Variants in SCN11A observed in about 807,000 individuals in gnomAD.
SCN11A encodes sodium voltage-gated channel alpha subunit 11, also known as sodium channel protein type 11 subunit alpha.
SCN11A carries 122 observed loss-of-function variants against 162.2 expected under a neutral mutation model. The observed-to-expected ratio is 0.75, with a 90% CI of 0.65 to 0.87. SCN11A has a LOEUF of 0.87. SCN11A is among the 40% of genes least tolerant of loss of function. The probability of loss-of-function intolerance (pLI) is 0.00; values close to 1 mark genes in which losing one functional copy is unlikely to be tolerated. For synonymous variants in SCN11A, 758 were observed against 751.5 expected, an observed-to-expected ratio of 1.01 and a Z score of -0.14; for missense variants, 2,015 against 2,181.6, an observed-to-expected ratio of 0.92 and a Z score of 1.52.
chr3:38,940,061 T>G (rs903074230), intron 7 of SCN11A, among the ~76,000 whole-genome samples: 1 of 148,580 alleles, frequency 6.7e-6, no homozygotes, highest in African/African-American at 2.4e-5. Flanking sequence ...TACATACATA[T>G]ATATATATAT....
chr3:39,002,704 TG>T (rs1452120647), intron 2 of SCN11A, among the ~76,000 whole-genome samples: 1 of 152,246 alleles, frequency 6.6e-6, no homozygotes, highest in African/African-American at 2.4e-5. Flanking sequence ...TGACTTGCTT[TG>T]GCCAGTGGAA....
In SCN11A at chr3:38,863,300, G is replaced by C. The variant is rs769954136; in HGVS notation, c.3952-1C>G. 6.7e-7 allele frequency: 1 copy of C among 1,493,684 alleles called. No homozygotes were observed. The highest frequency in any genetic ancestry group is 2.3e-5 in the East Asian group (1 of 44,140). 92.5% of individuals were successfully genotyped at this position (1,493,684 alleles called of 1,614,324 possible). On this transcript the variant is annotated splice_acceptor_variant, in intron 27 of 29. Coordinates refer to ENST00000302328, the MANE Select transcript of SCN11A (RefSeq NM_001349253.2). LOFTEE classifies it high-confidence loss of function. Reference sequence around the variant, plus strand: ...TCATAAAAATGTCTTGGCCACCTAAGTATATGGAGAAGATAAGAGCTAATT... The same window carrying C: ...TCATAAAAATGTCTTGGCCACCTAACTATATGGAGAAGATAAGAGCTAATT...
intron 2 of SCN11A, among the ~76,000 whole-genome samples, chr3:39,022,992 AT>A (rs1169983074): frequency 7.9e-5 from 12 of 152,338 alleles, no homozygotes; most frequent in African/African-American, 2.6e-4. Flanking sequence ...AATTACTGTT[AT>A]TTTTTAAGTG....
chr3:39,024,194 GTTTGTT>G (rs2031529063), intron 2 of SCN11A, among the ~76,000 whole-genome samples: 1 of 152,194 alleles, frequency 6.6e-6, no homozygotes, highest in African/African-American at 2.4e-5. Flanking sequence ...AGGGAAAATC[GTTTGTT>G]TTTATGTTTA....
In SCN11A at chr3:38,908,124, T is replaced by C. The variant is rs1379120138; in HGVS notation, c.1300-2A>G. The C allele has an allele frequency of 6.2e-7, 1 of 1,608,912 alleles. No individual in the cohort carries two copies. The highest frequency in any genetic ancestry group is 8.5e-7 in the Non-Finnish European group (1 of 1,178,888). Reference sequence around the variant, plus strand: ...GTCAATTCCCATGGCAACCAGAGCCTTCAAATTGAACAAAAGCAATTAAAG... The same window carrying C: ...GTCAATTCCCATGGCAACCAGAGCCCTCAAATTGAACAAAAGCAATTAAAG... On this transcript the variant is annotated splice_acceptor_variant, in intron 13 of 29. Transcript: ENST00000302328. LOFTEE classifies it high-confidence loss of function.
At chr3:38,960,089 G>A (rs2066724737) in intron 3 of SCN11A, among the ~76,000 whole-genome samples, 194 bp downstream of exon 3, 1 of 151,986 alleles carries the variant, frequency 6.6e-6, no homozygotes, top group South Asian at 2.1e-4. Context: ...GTATTTGACA[G>A]CAGGGAGAAC....
intron 4 of SCN11A, among the ~76,000 whole-genome samples, chr3:38,952,181 C>T (rs2066631051): frequency 6.6e-6 from 1 of 152,168 alleles, no homozygotes; most frequent in Admixed American, 6.5e-5. Context: ...TCCGAGGCTT[C>T]ATTCTTGAAG....
intron 2 of SCN11A, among the ~76,000 whole-genome samples, chr3:38,976,863 C>T (rs2066852992): frequency 6.6e-6 from 1 of 152,174 alleles, no homozygotes; most frequent in South Asian, 2.1e-4. Context: ...ATATTCAAAT[C>T]CATGTAGACG....
intron 7 of SCN11A, among the ~76,000 whole-genome samples, chr3:38,938,522 A>G (rs2066376130): frequency 5.1e-5 from 1 of 19,640 alleles, no homozygotes; most frequent in African/African-American, 3.0e-4. Context: ...ATATATATAT[A>G]TATATATATA....
At chr3:39,034,099 T>A (rs540956186) in intron 1 of SCN11A, among the ~76,000 whole-genome samples, 143 of 151,774 alleles carry the variant, frequency 9.4e-4, no homozygotes, top group African/African-American at 3.4e-3. Flanking sequence ...GAGGCGGAGG[T>A]TGCAGTGAGC....
intron 29 of SCN11A, chr3:38,849,257 C>CCTTTTTTTTTTTTTTTTTTT (rs1389887858): frequency 1.4e-5 from 1 of 69,866 alleles, no homozygotes. Flanking sequence ...TTTTCTAGCC[C>CCTTTTTTTTTTTTTTTTTTT]TTTTTTTTTT....
chr3:38,879,165 A>G (rs1194310887), intron 23 of SCN11A, among the ~76,000 whole-genome samples: 1 of 152,172 alleles, frequency 6.6e-6, no homozygotes, highest in Non-Finnish European at 1.5e-5. Context: ...GGCAATCCTG[A>G]ACATGTTTCT....
At chr3:38,998,001 T>A (rs2030696311) in intron 2 of SCN11A, among the ~76,000 whole-genome samples, 1 of 152,206 alleles carries the variant, frequency 6.6e-6, no homozygotes. Context: ...ATCTATAACT[T>A]AAGGATGAGA....
intron 2 of SCN11A, among the ~76,000 whole-genome samples, chr3:38,979,667 G>T (rs1205169730): frequency 1.3e-5 from 2 of 152,174 alleles, no homozygotes; most frequent in Non-Finnish European, 2.9e-5. Flanking sequence ...TGCCAAGTCT[G>T]CATAGTGTTT....
At chr3:38,878,998 T>C (rs979302688) in intron 23 of SCN11A, among the ~76,000 whole-genome samples, 1 of 152,144 alleles carries the variant, frequency 6.6e-6, no homozygotes, top group African/African-American at 2.4e-5. Context: ...TTTAATTATA[T>C]AAAGGTATTA....
At chr3:38,950,743 AGGCAAGT>A (rs2125577763) in intron 4 of SCN11A, among the ~76,000 whole-genome samples, 1 of 152,394 alleles carries the variant, frequency 6.6e-6, no homozygotes, top group Admixed American at 6.5e-5. Context: ...TGCAAGTAGC[AGGCAAGT>A]GGCCACATGG....
At chr3:38,950,002 C>G (rs944580024) in intron 5 of SCN11A, 94 bp downstream of exon 5, 1 of 785,754 alleles carries the variant, frequency 1.3e-6, no homozygotes, top group African/African-American at 1.8e-5. Context: ...GCTATAAACC[C>G]TAAGAGTGGT....
At chr3:38,950,785 G>A (rs1168179759) in intron 4 of SCN11A, among the ~76,000 whole-genome samples, 1 of 152,190 alleles carries the variant, frequency 6.6e-6, no homozygotes, top group Non-Finnish European at 1.5e-5. Flanking sequence ...AAAGGAACAG[G>A]GAATTGACTG....
rs189590721 is a variant in SCN11A at position 38,952,728 on chromosome 3, T to C, written c.-8+901A>G. Among the ~76,000 whole-genome samples, 338 of 152,292 alleles carry C rather than the reference T, an allele frequency of 2.2e-3. 3 individuals carry two copies. The highest frequency in any genetic ancestry group is 7.5e-3 in the African/African-American group (311 of 41,564). Reference sequence around the variant, plus strand: ...GTTGTCCAAACCTTTAATGTCTAAATTGAGACCTGAAGGAGATGTAAGACT... The same window carrying C: ...GTTGTCCAAACCTTTAATGTCTAAACTGAGACCTGAAGGAGATGTAAGACT... On this transcript the variant is annotated intron_variant, in intron 4 of 29. Coordinates refer to ENST00000302328, the MANE Select transcript of SCN11A (RefSeq NM_001349253.2).
Sources: allele counts gnomAD v4.1 joint callset (sites outside exome capture counted in the v4.1 genomes callset), GRCh38; gene constraint gnomAD v4.1.1; transcripts MANE v1.5; gene names NCBI Gene and HGNC (gene_info 2026-07-23, HGNC 2026-07-21).